The following SDK1 variants were observed in gnomAD, a reference collection of about 807,000 sequenced individuals.
SDK1 encodes protein sidekick-1.
Under a neutral mutation model 245.5 loss-of-function variants are expected in SDK1, and 157 were observed. That is an observed-to-expected ratio of 0.64 (90% CI 0.56 to 0.73). The LOEUF is 0.73. SDK1 is among the 30% of genes least tolerant of loss of function. The probability of loss-of-function intolerance (pLI) is 0.00; values close to 1 mark genes in which losing one functional copy is unlikely to be tolerated. For missense variants in SDK1, 3,583 were observed against 3,002.3 expected (o/e 1.19, Z -4.52); for synonymous variants, 1,647 against 1,278.5 (o/e 1.29, Z -6.15).
chr7:3,903,758 G>C (rs1781870812), intron 5 of SDK1, among the ~76,000 whole-genome samples: 1 of 152,098 alleles, frequency 6.6e-6, no homozygotes, highest in Non-Finnish European at 1.5e-5. Flanking sequence ...GTTGAAATTT[G>C]ATCTCCCGTG....
At chr7:3,849,267 C>T (rs1373829563) in intron 5 of SDK1, among the ~76,000 whole-genome samples, 2 of 152,166 alleles carry the variant, frequency 1.3e-5, no homozygotes, top group Non-Finnish European at 2.9e-5. Flanking sequence ...TGCACCCACT[C>T]CTGGCTCATT....
At chr7:4,195,158 C>G (rs1783503962) in intron 35 of SDK1, among the ~76,000 whole-genome samples, 1 of 152,204 alleles carries the variant, frequency 6.6e-6, no homozygotes, top group Non-Finnish European at 1.5e-5. Flanking sequence ...ATGATTAAAT[C>G]AGGCTAATTA....
chr7:3,582,625 C>G (rs1038749171), intron 1 of SDK1, among the ~76,000 whole-genome samples: 1 of 148,340 alleles, frequency 6.7e-6, no homozygotes, highest in Non-Finnish European at 1.5e-5. Context: ...GTAATGAACC[C>G]TCGTGACATG....
chr7:3,514,448 G>C (rs1429834030), intron 1 of SDK1, among the ~76,000 whole-genome samples: 1 of 152,188 alleles, frequency 6.6e-6, no homozygotes, highest in South Asian at 2.1e-4. Flanking sequence ...CAAGGGAAAG[G>C]TTTGTTTCTC....
chr7:3,724,618 C>G (rs1282466316), intron 4 of SDK1, among the ~76,000 whole-genome samples: 4 of 152,128 alleles, frequency 2.6e-5, no homozygotes, highest in African/African-American at 9.7e-5. Context: ...GCATATGCAA[C>G]AAAAGTGGTT....
At chr7:3,643,937 C>T (rs893135547) in intron 4 of SDK1, among the ~76,000 whole-genome samples, 1 of 150,414 alleles carries the variant, frequency 6.6e-6, no homozygotes, top group East Asian at 1.9e-4. Context: ...CAGAGTCCCT[C>T]TGTCACCCAG....
chr7:3,344,018 C>CG (rs1780425776), intron 1 of SDK1, among the ~76,000 whole-genome samples: 1 of 122,546 alleles, frequency 8.2e-6, no homozygotes, highest in African/African-American at 2.8e-5. Flanking sequence ...CACATACAAC[C>CG]AAAAAAAAAA....
intron 1 of SDK1, among the ~76,000 whole-genome samples, chr7:3,540,810 A>G (rs1178827381): frequency 2.0e-5 from 3 of 152,224 alleles, no homozygotes; most frequent in Non-Finnish European, 4.4e-5. Context: ...TCATTCGTAT[A>G]TCTATAATAA....
chr7:3,487,175 C>A (rs746691343), intron 1 of SDK1, among the ~76,000 whole-genome samples: 6 of 152,110 alleles, frequency 3.9e-5, no homozygotes, highest in Non-Finnish European at 8.8e-5. Flanking sequence ...CTTAGTGTGC[C>A]AGCTCCTGGT....
In SDK1 at chr7:3,601,467, A is replaced by G. The variant is rs565622198; in HGVS notation, c.299-17613A>G. Among the ~76,000 whole-genome samples, 10 of 152,050 alleles carry G rather than the reference A, an allele frequency of 6.6e-5. No homozygotes were observed. In the South Asian group the frequency reaches 2.1e-3, roughly 32 times the overall value. ...TTTTAGTAGTTTGTAGTTTTCTAGG[A>G]ATGGGTTTCTATCTTCTAAGCTGTT... On this transcript the variant is annotated intron_variant, in intron 1 of 44. Coordinates refer to ENST00000404826, the MANE Select transcript of SDK1 (RefSeq NM_152744.4).
chr7:4,054,139 C>T (rs1260056004), intron 19 of SDK1, among the ~76,000 whole-genome samples: 2 of 152,108 alleles, frequency 1.3e-5, no homozygotes, highest in African/African-American at 4.8e-5. Context: ...TGGGGTTTCA[C>T]CATGTTGGCC....
chr7:3,527,240 T>C (rs891255172), intron 1 of SDK1, among the ~76,000 whole-genome samples: 3 of 152,194 alleles, frequency 2.0e-5, no homozygotes, highest in African/African-American at 7.2e-5. Context: ...AATGCTATGG[T>C]AAATAAGATG....
intron 22 of SDK1, among the ~76,000 whole-genome samples, chr7:4,085,072 A>G: frequency 6.6e-6 from 1 of 152,232 alleles, no homozygotes; most frequent in East Asian, 1.9e-4. Context: ...GCCTAAATGT[A>G]TATTTTAAAT....
At chr7:3,851,776 T>C (rs1035379733) in intron 5 of SDK1, among the ~76,000 whole-genome samples, 2 of 152,186 alleles carry the variant, frequency 1.3e-5, no homozygotes, top group Non-Finnish European at 2.9e-5. Context: ...GGAAAAGAAT[T>C]GGACATTGAA....
chr7:4,195,444 C>G (rs191411862), intron 35 of SDK1, among the ~76,000 whole-genome samples: 256 of 152,244 alleles, frequency 1.7e-3, no homozygotes, highest in African/African-American at 5.7e-3. Context: ...GTCCCTCCCC[C>G]ACGTCACTCT....
intron 1 of SDK1, among the ~76,000 whole-genome samples, chr7:3,321,834 T>TCCTTCCTC (rs1562412863): frequency 7.2e-6 from 1 of 139,048 alleles, no homozygotes; most frequent in Non-Finnish European, 1.5e-5. Flanking sequence ...CCTTCCTCCT[T>TCCTTCCTC]TTCTCTCTCT....
At chr7:4,189,712 C>G (rs1250881919) in intron 35 of SDK1, among the ~76,000 whole-genome samples, 1 of 152,142 alleles carries the variant, frequency 6.6e-6, no homozygotes, top group Non-Finnish European at 1.5e-5. Context: ...ATCGCTTGAA[C>G]CCAGGAAGCA....
chr7:3,847,880 G>A (rs1202493525), intron 5 of SDK1, among the ~76,000 whole-genome samples: 1 of 152,152 alleles, frequency 6.6e-6, no homozygotes, highest in Non-Finnish European at 1.5e-5. Flanking sequence ...AGTTGGAGGT[G>A]GTGCTGATAC....
chr7:3,779,671 G>A (rs111681828), intron 4 of SDK1, among the ~76,000 whole-genome samples: 5,954 of 152,140 alleles, frequency 0.039, 360 homozygotes, highest in African/African-American at 0.14. Flanking sequence ...GGTGGCTCAC[G>A]CCTGTAATCC....
Sources: gnomAD v4.1 joint callset for allele counts (sites outside exome capture counted in the v4.1 genomes callset) on GRCh38, gnomAD v4.1.1 for gene constraint, MANE v1.5 for transcripts, NCBI Gene and HGNC (gene_info 2026-07-23, HGNC 2026-07-21) for gene names.